RAB3GAP1: variants seen among roughly 807,000 people sequenced by gnomAD.
RAB3GAP1 encodes the protein RAB3 GTPase activating protein catalytic subunit 1, also known as rab3 GTPase-activating protein catalytic subunit.
RAB3GAP1 carries 86 observed loss-of-function variants against 130.7 expected under a neutral mutation model. The ratio of observed to expected loss-of-function variants is 0.66; its 90% CI spans 0.55 to 0.79. The LOEUF (loss-of-function observed/expected upper bound fraction) is 0.79. Ranked by LOEUF, RAB3GAP1 falls within the 30% of genes least tolerant of loss-of-function variation. The probability of loss-of-function intolerance (pLI) is 0.00; values close to 1 mark genes in which losing one functional copy is unlikely to be tolerated. For synonymous variants in RAB3GAP1, 367 were observed against 401.7 expected (o/e 0.91, Z 1.03); for missense variants, 1,029 against 1,169.4 (o/e 0.88, Z 1.75).
In RAB3GAP1 at chr2:135,165,476, A is replaced by T. The variant is rs376233068; in HGVS notation, c.2709+780A>T. Among the ~76,000 whole-genome samples the T allele has an allele frequency of 2.2e-4, 33 of 152,020 alleles. No individual in the cohort carries two copies. The South Asian group carries it at 5.8e-3, about 27-fold the overall frequency. The stretch of plus-strand genomic sequence containing the variant: ...ATTTTCAGAAACAAATAAGAAAAAG[A>T]ATTTCTATGTGTCTACACGTGGAAT... On this transcript the variant is annotated intron_variant, in intron 23 of 23. Transcript: ENST00000264158.
chr2:135,169,943 T>G lies in RAB3GAP1; in HGVS notation c.*1162T>G. On this transcript the variant is annotated 3_prime_UTR_variant, in exon 24 of 24. Transcript: ENST00000264158. ...CCTTGCCTGTGTAATTTTAAAAAATTAATAGAGCTGTGCAAACCCTGTTAT... is the reference window on the plus strand; with the variant it reads ...CCTTGCCTGTGTAATTTTAAAAAATGAATAGAGCTGTGCAAACCCTGTTAT... The G allele has an allele frequency of 3.3e-6, 1 of 304,606 alleles. No individual in the cohort carries two copies. The highest frequency in any genetic ancestry group is 2.9e-5 in the South Asian group (1 of 34,632). The allele number at this position is 304,606 out of a possible 1,614,324, so 18.9% of individuals were successfully genotyped here. A position where few individuals can be genotyped will look rare whatever the true frequency, so the allele number is the denominator to read the frequency against.
intron 22 of RAB3GAP1, among the ~76,000 whole-genome samples, chr2:135,164,199 T>TA (rs1244748079): frequency 4.6e-5 from 7 of 151,956 alleles, no homozygotes; most frequent in South Asian, 2.1e-4. Context: ...ACATACCCCT[T>TA]AAAAAAAACA....
At chr2:135,092,451 T>G (rs575489701) in intron 4 of RAB3GAP1, among the ~76,000 whole-genome samples, 12 of 152,336 alleles carry the variant, frequency 7.9e-5, no homozygotes, top group Admixed American at 7.8e-4. Flanking sequence ...TTTGTTTGTT[T>G]TTGAGACTGA....
intron 19 of RAB3GAP1, among the ~76,000 whole-genome samples, chr2:135,155,615 A>G (rs1692288734): frequency 6.6e-6 from 1 of 152,180 alleles, no homozygotes; most frequent in South Asian, 2.1e-4. Flanking sequence ...CAAACTTTCT[A>G]TTAAACAATA....
Position 135,147,623 on chromosome 2 carries a change from C to G in RAB3GAP1, c.1924-2746C>G, listed in dbSNP as rs868321559. On this transcript the variant is annotated intron_variant, in intron 17 of 23. Coordinates refer to ENST00000264158, the MANE Select transcript of RAB3GAP1 (RefSeq NM_012233.3). ...AATTAATAGTAGTCCCCTCCCCCCC[C>G]CTTTTTTTTTTGACTCGGGGTCTCA... is the stretch of plus-strand genomic sequence containing the variant. 9.0e-4 allele frequency among the ~76,000 whole-genome samples: 133 copies of G among 148,036 alleles called. 1 individual carries two copies. Among genetic ancestry groups the G allele is most frequent in the African/African-American group, 3.0e-3 (118 of 39,296 alleles).
At chr2:135,162,277 T>C in intron 19 of RAB3GAP1, 2 of 372,884 alleles carry the variant, frequency 5.4e-6, no homozygotes, top group Non-Finnish European at 9.9e-6. Context: ...TCTCTTGGTA[T>C]TGTAATCAGT....
chr2:135,138,217 G>A (rs1220995101), intron 17 of RAB3GAP1, among the ~76,000 whole-genome samples: 1 of 150,842 alleles, frequency 6.6e-6, no homozygotes, highest in Non-Finnish European at 1.5e-5. Flanking sequence ...CCGAGGTGGG[G>A]TTGGATTGCT....
intron 3 of RAB3GAP1, chr2:135,089,947 G>A: frequency 4.3e-6 from 1 of 230,964 alleles, no homozygotes; most frequent in Non-Finnish European, 9.3e-6. Context: ...GGGAGGGGAG[G>A]GCTAGGGGAG....
intron 10 of RAB3GAP1, 58 bp downstream of exon 10, chr2:135,126,307 T>A: frequency 1.6e-6 from 2 of 1,289,108 alleles, no homozygotes; most frequent in Non-Finnish European, 2.2e-6. Flanking sequence ...AGAATAACTC[T>A]CAAATTGCTA....
intron 17 of RAB3GAP1, among the ~76,000 whole-genome samples, chr2:135,143,793 C>T (rs927733427): frequency 2.6e-5 from 4 of 152,100 alleles, no homozygotes; most frequent in South Asian, 2.1e-4. Flanking sequence ...TCCTGACCCG[C>T]CCGCCTCGGC....
rs1212234093 is a variant in RAB3GAP1, at chr2:135,156,044, C to T, written c.2289+2168C>T. On this transcript the variant is annotated intron_variant, in intron 19 of 23. Coordinates refer to ENST00000264158, the MANE Select transcript of RAB3GAP1 (RefSeq NM_012233.3). ...CAGAGGAAATGTGTTAAAAATACTA[C>T]TTTGCACATCTCTGTGTATGTAAAT... Among the ~76,000 whole-genome samples the T allele has an allele frequency of 9.9e-5, 15 of 152,114 alleles. 1 individual carries two copies. The highest frequency in any genetic ancestry group is 9.2e-4 in the Admixed American group (14 of 15,272).
At chr2:135,125,671 G>A (rs1299948903) in intron 9 of RAB3GAP1, among the ~76,000 whole-genome samples, 1 of 152,180 alleles carries the variant, frequency 6.6e-6, no homozygotes, top group Non-Finnish European at 1.5e-5. Flanking sequence ...AGGTAGCATA[G>A]ACAGTGTAGG....
intron 19 of RAB3GAP1, among the ~76,000 whole-genome samples, chr2:135,157,184 T>A (rs1692335445): frequency 6.6e-6 from 1 of 152,126 alleles, no homozygotes; most frequent in Non-Finnish European, 1.5e-5. Context: ...CAACTAATTA[T>A]TTTTCTTAAT....
intron 17 of RAB3GAP1, among the ~76,000 whole-genome samples, chr2:135,146,803 A>G (rs1406887615): frequency 6.6e-6 from 1 of 152,194 alleles, no homozygotes; most frequent in Admixed American, 6.5e-5. Context: ...GTATGTATCA[A>G]TAGTTCATGC....
chr2:135,117,546 T>G (rs148531320), intron 7 of RAB3GAP1, among the ~76,000 whole-genome samples: 6,112 of 103,626 alleles, frequency 0.059, 393 homozygotes, highest in African/African-American at 0.2. Flanking sequence ...TTCTTCTGCT[T>G]CTTCTTCTTC....
chr2:135,162,856 G>T lies in RAB3GAP1; in HGVS notation c.2490+5G>T. 6.2e-7 allele frequency: 1 copy of T among 1,603,524 alleles called. No homozygotes were observed. Among genetic ancestry groups the T allele is most frequent in the South Asian group, 1.1e-5 (1 of 90,868 alleles). On this transcript the variant is annotated splice_donor_5th_base_variant and intron_variant, in intron 21 of 23. Coordinates refer to ENST00000264158, the MANE Select transcript of RAB3GAP1 (RefSeq NM_012233.3). ...CCAGAAGACAAGAAATTGGAAGTAA[G>T]TTTGATGTAGTGTCAGAATCTTGCC... is the stretch of plus-strand genomic sequence containing the variant.
rs2104977972 is a variant in RAB3GAP1 at position 135,150,482 on chromosome 2, G to A, written c.2037G>A (p.Leu679=). ...GAGCACGCATGCAGAGTGCCTGTCT[G>A]CTCTCAGATATGGAGTCTTTTAAGG... ...HLRARMQSAC[L]LSDMESFKAA... Residue 679 remains leucine, a synonymous_variant, in exon 18 of 24, where the codon CTG becomes CTA. Transcript: ENST00000264158. The A allele has an allele frequency of 6.2e-7, 1 of 1,614,124 alleles. No homozygotes were observed. Among genetic ancestry groups the A allele is most frequent in the Non-Finnish European group, 8.5e-7 (1 of 1,180,030 alleles).
chr2:135,106,084 C>G (rs910395553), intron 5 of RAB3GAP1, among the ~76,000 whole-genome samples: 1 of 152,116 alleles, frequency 6.6e-6, no homozygotes, highest in Non-Finnish European at 1.5e-5. Flanking sequence ...GGCAGCCGCC[C>G]CATCCGGGAG....
intron 3 of RAB3GAP1, among the ~76,000 whole-genome samples, chr2:135,068,351 T>G (rs1689379614): frequency 6.6e-6 from 1 of 152,146 alleles, no homozygotes; most frequent in African/African-American, 2.4e-5. Context: ...ATAACTAAAT[T>G]TGTGATAAGT....
Sources: gnomAD v4.1 joint callset for allele counts (sites outside exome capture counted in the v4.1 genomes callset) on GRCh38, gnomAD v4.1.1 for gene constraint, MANE v1.5 for transcripts, NCBI Gene and HGNC (gene_info 2026-07-23, HGNC 2026-07-21) for gene names.